CHD5: variants seen among roughly 807,000 people sequenced by gnomAD.
CHD5 encodes the protein chromodomain helicase DNA binding protein 5.
Under a neutral mutation model 230.3 loss-of-function variants are expected in CHD5, and 69 were observed. The observed-to-expected ratio is 0.30, with a 90% CI of 0.25 to 0.37. The LOEUF (loss-of-function observed/expected upper bound fraction) is 0.37. Ranked by LOEUF, CHD5 falls within the 10% of genes least tolerant of loss-of-function variation. The probability of loss-of-function intolerance (pLI) is 1.00; values close to 1 mark genes in which losing one functional copy is unlikely to be tolerated. For missense variants in CHD5, 1,827 were observed against 2,622.8 expected (o/e 0.70, Z 6.63); for synonymous variants, 1,064 against 1,065.9 (o/e 1.00, Z 0.03).
chr1:6,110,623 C>T (rs551644200), intron 36 of CHD5, 97 bp from the exon 37 acceptor site: 8 of 1,336,070 alleles, frequency 6.0e-6, no homozygotes, highest in East Asian at 2.5e-5. Context: ...GCCCGGGGGT[C>T]GGCATTCTGG....
At position 6,151,084 on chromosome 1, in the gene CHD5, T is replaced by C. The variant is rs754348759; in HGVS notation, c.942A>G (p.Glu314=). The part of the protein sequence containing the change: ...ASIHSASVRS[E]CSAALGKKSK... ...TCTTCTTGCCCAGGGCTGCAGAGCA[T>C]TCGGAGCGCACGGAGGCACTGTGGA... Residue 314 remains glutamate, a synonymous_variant, in exon 7 of 42, where the codon GAA becomes GAG. Transcript: ENST00000262450. 1.2e-5 allele frequency: 20 copies of C among 1,609,174 alleles called. No individual in the cohort carries two copies. Among genetic ancestry groups the C allele is most frequent in the Non-Finnish European group, 1.5e-5 (18 of 1,177,488 alleles).
intron 2 of CHD5, among the ~76,000 whole-genome samples, chr1:6,166,644 G>A (rs538805309): frequency 5.9e-5 from 9 of 152,196 alleles, no homozygotes; most frequent in African/African-American, 1.9e-4. Flanking sequence ...GACCAGAAAA[G>A]GAACCACAGG....
Position 6,151,117 on chromosome 1 carries a change from G to A in CHD5, c.909C>T (p.Ser303=), listed in dbSNP as rs372399982. The A allele has an allele frequency of 2.4e-5, 38 of 1,609,628 alleles. No homozygotes were observed. The highest frequency in any genetic ancestry group is 1.6e-4 in the Middle Eastern group (1 of 6,070). ...GCACGGAGGCACTGTGGATGCTGGC[G>A]CTGTCGAAGTCCGACTCCTCCCTCT... ...EDEREESDFD[S]ASIHSASVRS... is the part of the protein sequence containing the mutation. Residue 303 remains serine, a synonymous_variant, in exon 7 of 42, where the codon AGC becomes AGT. Coordinates refer to ENST00000262450, the MANE Select transcript of CHD5 (RefSeq NM_015557.3).
rs1348406028 is a variant in CHD5, at chr1:6,167,643, C to T, written c.207+507G>A. Among the ~76,000 whole-genome samples the T allele has an allele frequency of 1.3e-5, 2 of 152,170 alleles. No homozygotes were observed. The highest frequency in any genetic ancestry group is 4.8e-5 in the African/African-American group (2 of 41,434). On this transcript the variant is annotated intron_variant, in intron 2 of 41. Coordinates refer to ENST00000262450, the MANE Select transcript of CHD5 (RefSeq NM_015557.3). This position sits in a 1 kb window ranked among gnomAD's most constrained non-coding sequence, Gnocchi z 4.5. ...AAGGGACGTGTTCACACCATCACAC[C>T]CTGCCAACCCAAGGCAGCGGAGCAT...
At position 6,109,775 on chromosome 1, in the gene CHD5, G is replaced by T. The variant is rs758655351; in HGVS notation, c.5578+20C>A. On this transcript the variant is annotated intron_variant, in intron 38 of 41. Coordinates refer to ENST00000262450, the MANE Select transcript of CHD5 (RefSeq NM_015557.3). ...GAGGAAGGGCGGGGGGCTGCACCGTGGGGGGCAGGACTTGCTCACCCTTGT... is the reference window on the plus strand; with the variant it reads ...GAGGAAGGGCGGGGGGCTGCACCGTTGGGGGCAGGACTTGCTCACCCTTGT... The T allele has an allele frequency of 1.1e-5, 18 of 1,604,062 alleles. No individual in the cohort carries two copies. The highest frequency in any genetic ancestry group is 3.3e-5 in the South Asian group (3 of 90,588).
rs545465261 is a variant in CHD5 at position 6,130,676 on chromosome 1, G to A, written c.3263-348C>T. Among the ~76,000 whole-genome samples, 3 of 152,320 alleles carry A rather than the reference G, an allele frequency of 2.0e-5. No individual in the cohort carries two copies. The highest frequency in any genetic ancestry group is 4.8e-5 in the African/African-American group (2 of 41,574). ...AGAGCTCAGAGTCCTTCATGTCCCC[G>A]CAGCTTCCCACCCCTGGCTTCCCTT... On this transcript the variant is annotated intron_variant, in intron 21 of 41. Coordinates refer to ENST00000262450, the MANE Select transcript of CHD5 (RefSeq NM_015557.3). This position sits in a 1 kb window ranked among gnomAD's most constrained non-coding sequence, Gnocchi z 4.9.
Position 6,146,296 on chromosome 1 carries a change from G to C in CHD5, c.1718C>G (p.Pro573Arg), listed in dbSNP as rs780645925. The C allele has an allele frequency of 6.2e-7, 1 of 1,614,184 alleles. No homozygotes were observed. The highest frequency in any genetic ancestry group is 8.5e-7 in the Non-Finnish European group (1 of 1,180,024). ...GKSEKRKNKD[P>R]LYAKMEERFY... The stretch of plus-strand genomic sequence containing the variant: ...GCGCTCCTCCATCTTGGCATAGAGG[G>C]GGTCCTTGTTCTTCCTCTTCTCGCT... The change falls in exon 11 of 42, where the codon CCC becomes CGC. Residue 573 changes from proline to arginine, a missense_variant. By Grantham distance (103) the Pro-to-Arg change is moderately radical. This residue lies in a region of CHD5 where 657 missense variants were observed against 816.4 expected (regional missense o/e 0.80). Transcript: ENST00000262450. The surrounding 1 kb of genome is among the most constrained non-coding windows in gnomAD (Gnocchi z 5.1).
Position 6,134,115 on chromosome 1 carries a change from AG to A in CHD5, c.3144+12del. 6.2e-7 allele frequency: 1 copy of A among 1,605,444 alleles called. No individual in the cohort carries two copies. On this transcript the variant is annotated intron_variant, in intron 20 of 41. Coordinates refer to ENST00000262450, the MANE Select transcript of CHD5 (RefSeq NM_015557.3). The surrounding 1 kb of genome is among the most constrained non-coding windows in gnomAD (Gnocchi z 6.3). The stretch of plus-strand genomic sequence containing the variant: ...GTGTGGAGCCGGGGCGGGGGTGGGC[AG>A]GGGCAGCGCACCTGGGAGAAGATGA...
At chr1:6,106,541 C>T (rs1318670359) in intron 39 of CHD5, 32 bp from the exon 40 acceptor site, 4 of 1,550,378 alleles carry the variant, frequency 2.6e-6, no homozygotes, top group Non-Finnish European at 3.5e-6. Flanking sequence ...CACAGGTGGT[C>T]TCAGGCCCCC....
In CHD5 at chr1:6,131,487, G is replaced by T; in HGVS notation, c.3262+144C>A. 1 of 555,398 alleles carries T rather than the reference G, an allele frequency of 1.8e-6. No individual in the cohort carries two copies. Among genetic ancestry groups the T allele is most frequent in the Non-Finnish European group, 3.3e-6 (1 of 306,016 alleles). 34.4% of individuals were successfully genotyped at this position (555,398 alleles called of 1,614,324 possible). On this transcript the variant is annotated intron_variant, in intron 21 of 41. Coordinates refer to ENST00000262450, the MANE Select transcript of CHD5 (RefSeq NM_015557.3). This position sits in a 1 kb window ranked among gnomAD's most constrained non-coding sequence, Gnocchi z 5.0. Reference sequence around the variant, plus strand: ...CCATGGGAGGAATCCTTTTAACATTGGAAACTCGGACTGGCCTGCTGTCTT... The same window carrying T: ...CCATGGGAGGAATCCTTTTAACATTTGAAACTCGGACTGGCCTGCTGTCTT...
chr1:6,138,753 T>C (rs1026270540), intron 15 of CHD5, among the ~76,000 whole-genome samples: 4 of 152,256 alleles, frequency 2.6e-5, no homozygotes, highest in Admixed American at 1.3e-4. Flanking sequence ...GCAGTTCCAC[T>C]TCTGGGTGTA....
At position 6,134,308 on chromosome 1, in the gene CHD5, C is replaced by G; in HGVS notation, c.3013-49G>C. 1 of 1,600,842 alleles carries G rather than the reference C, an allele frequency of 6.2e-7. No homozygotes were observed. The highest frequency in any genetic ancestry group is 8.5e-7 in the Non-Finnish European group (1 of 1,176,692). ...GCATTGGTGGGCTCCCCTCTCCTCT[C>G]TGACTCTGCACCAAAGGGGCCGCAG... On this transcript the variant is annotated intron_variant, in intron 19 of 41. Transcript: ENST00000262450. The surrounding 1 kb of genome is among the most constrained non-coding windows in gnomAD (Gnocchi z 6.3).
Position 6,125,327 on chromosome 1 carries a change from G to A in CHD5, c.4261-94C>T. 1 of 1,317,536 alleles carries A rather than the reference G, an allele frequency of 7.6e-7. No individual in the cohort carries two copies. 81.6% of individuals were successfully genotyped at this position (1,317,536 alleles called of 1,614,324 possible). ...GGGGAAGAAAAGCATGGGAGGAGGA[G>A]AAGGTAGGAAGGGGGCACAGAGAAG... On this transcript the variant is annotated intron_variant, in intron 28 of 41. Transcript: ENST00000262450. The surrounding 1 kb of genome is among the most constrained non-coding windows in gnomAD (Gnocchi z 6.7).
At chr1:6,178,603 T>C (rs1429519923) in intron 1 of CHD5, among the ~76,000 whole-genome samples, 1 of 151,940 alleles carries the variant, frequency 6.6e-6, no homozygotes, top group Admixed American at 6.6e-5. Context: ...CAGTCAACTA[T>C]TGTCCAGGCA....
Position 6,112,291 on chromosome 1 carries a change from A to G in CHD5, c.5003-14T>C, listed in dbSNP as rs1204901502. On this transcript the variant is annotated splice_polypyrimidine_tract_variant and intron_variant, in intron 34 of 41. Transcript: ENST00000262450. Reference sequence around the variant, plus strand: ...CCTTGGTGTCATCTGCCGGGGACAGATCACATTCATTCATCCATCCATCCA... The same window carrying G: ...CCTTGGTGTCATCTGCCGGGGACAGGTCACATTCATTCATCCATCCATCCA... 1.2e-6 allele frequency: 2 copies of G among 1,610,774 alleles called. No individual in the cohort carries two copies. The highest frequency in any genetic ancestry group is 3.4e-5 in the Admixed American group (2 of 59,672).
chr1:6,155,667 C>A lies in CHD5; in HGVS notation c.438G>T (p.Val146=). The A allele has an allele frequency of 6.2e-7, 1 of 1,614,102 alleles. No individual in the cohort carries two copies. Among genetic ancestry groups the A allele is most frequent in the South Asian group, 1.1e-5 (1 of 91,064 alleles). The change falls in exon 4 of 42, where the codon GTG becomes GTT. Residue 146 remains valine, a synonymous_variant. Transcript: ENST00000262450. This position sits in a 1 kb window ranked among gnomAD's most constrained non-coding sequence, Gnocchi z 4.0. The stretch of plus-strand genomic sequence containing the variant: ...AATCCTCCTCCGAGAACAGGTAGTC[C>A]ACGTCGTCCAGGCCCCACTCGGCCA... ...QLMAEWGLDD[V]DYLFSEEDYH...
chr1:6,156,583 G>T (rs797020394), intron 3 of CHD5, among the ~76,000 whole-genome samples: 1 of 151,964 alleles, frequency 6.6e-6, no homozygotes, highest in African/African-American at 2.4e-5. Flanking sequence ...AGGATGCCAG[G>T]TATAGCTACG....
chr1:6,151,141 C>T lies in CHD5; in HGVS notation c.885G>A (p.Glu295=). 6.2e-7 allele frequency: 1 copy of T among 1,607,770 alleles called. No individual in the cohort carries two copies. ...RKKGSSSEED[E]REESDFDSAS... ...CGCTGTCGAAGTCCGACTCCTCCCT[C>T]TCATCTTCTTCACTCTGCAGGGGAA... Residue 295 remains glutamate, a synonymous_variant, in exon 7 of 42, where the codon GAG becomes GAA. Transcript: ENST00000262450.
Position 6,106,462 on chromosome 1 carries a change from G to T in CHD5, c.5790C>A (p.Asn1930Lys), listed in dbSNP as rs139445002. 4 of 1,561,090 alleles carry T rather than the reference G, an allele frequency of 2.6e-6. No homozygotes were observed. In the African/African-American group the frequency reaches 4.1e-5, roughly 16 times the overall value. Residue 1930 changes from asparagine (N) to lysine (K), a missense_variant, in exon 40 of 42, where the codon AAC becomes AAA. Asn to Lys is a moderately conservative substitution (Grantham distance 94). Transcript: ENST00000262450. ...TCCCTCCCGGTCCAGGGCCCCGGAA[G>T]TTGGGCCCAAAGTTGTTGCTGTACA... ...SQMYSNNFGP[N>K]FRGPGPGGIV...
Sources: gnomAD v4.1 joint callset for allele counts (sites outside exome capture counted in the v4.1 genomes callset) on GRCh38, gnomAD v4.1.1 for gene constraint, gnomAD v4.1.1 regional missense constraint, Gnocchi (gnomAD v3.1) non-coding constraint, MANE v1.5 for transcripts, NCBI Gene and HGNC (gene_info 2026-07-23, HGNC 2026-07-21) for gene names.